The following CAB39L variants were observed in gnomAD, a reference collection of about 807,000 sequenced individuals.
CAB39L encodes the protein calcium binding protein 39 like.
In CAB39L, 23 loss-of-function variants were observed where a neutral mutation model predicts 39.1. The observed-to-expected ratio is 0.59, with a 90% CI of 0.42 to 0.83. The LOEUF is 0.83. Among genes scored for constraint, CAB39L ranks in the 40% least tolerant of loss-of-function variants. The pLI is 0.00. For missense variants in CAB39L, 366 were observed against 391.9 expected (o/e 0.93, Z 0.56); for synonymous variants, 126 against 137.2 (o/e 0.92, Z 0.57).
Position 49,309,481 on chromosome 13 carries a change from G to A in CAB39L, c.*1333C>T, listed in dbSNP as rs796874761. On this transcript the variant is annotated 3_prime_UTR_variant, in exon 11 of 11. Coordinates refer to ENST00000409308, the MANE Select transcript of CAB39L (RefSeq NM_001079670.3). ...GTAATGTATAAGGGAGGGTTCCTGT[G>A]GAAGGCAACGATTCATGATTTAGAA... 27 of 152,330 alleles carry A rather than the reference G, an allele frequency of 1.8e-4. No homozygotes were observed. Among genetic ancestry groups the A allele is most frequent in the African/African-American group, 6.0e-4 (25 of 41,572 alleles). The allele number at this position is 152,330 out of a possible 1,614,324, so 9.4% of individuals were successfully genotyped here.
chr13:49,443,926 G>C, intron 1 of CAB39L, 60 bp downstream of exon 1: 1 of 456,722 alleles, frequency 2.2e-6, no homozygotes, highest in South Asian at 1.5e-5. Context: ...CGCTATGTAT[G>C]TTTTCAACCC....
chr13:49,434,878 G>A (rs747616922), intron 1 of CAB39L, among the ~76,000 whole-genome samples: 26 of 151,706 alleles, frequency 1.7e-4, no homozygotes, highest in Admixed American at 1.3e-4. Flanking sequence ...ACCAAAATGC[G>A]ATATAGATGT....
At chr13:49,359,437 T>A (rs559763986) in intron 6 of CAB39L, among the ~76,000 whole-genome samples, 2 of 152,066 alleles carry the variant, frequency 1.3e-5, no homozygotes, top group African/African-American at 2.4e-5. Context: ...TAGGGAAGCA[T>A]AAGCAATACT....
At chr13:49,410,617 C>G (rs1461495581) in intron 3 of CAB39L, among the ~76,000 whole-genome samples, 1 of 152,114 alleles carries the variant, frequency 6.6e-6, no homozygotes, top group Non-Finnish European at 1.5e-5. Context: ...GACAGAAAAC[C>G]TTGAGTTATA....
chr13:49,442,845 G>GT (rs1443892423), intron 1 of CAB39L, among the ~76,000 whole-genome samples: 1 of 132,322 alleles, frequency 7.6e-6, no homozygotes, highest in East Asian at 2.2e-4. Context: ...TGTTTGTTTT[G>GT]TTTTTTGGTA....
rs1953920034 is a variant in CAB39L at position 49,309,193 on chromosome 13, G to C, written c.*1621C>G. The C allele has an allele frequency of 6.6e-6, 1 of 152,248 alleles. No individual in the cohort carries two copies. Among genetic ancestry groups the C allele is most frequent in the South Asian group, 2.1e-4 (1 of 4,836 alleles). 9.4% of individuals were successfully genotyped at this position (152,248 alleles called of 1,614,324 possible). ...ACTAAAGAGTACGGGTCATCAGGCT[G>C]CCGGCCGGCCTCCTGCAAGGGCACT... On this transcript the variant is annotated 3_prime_UTR_variant, in exon 11 of 11. Coordinates refer to ENST00000409308, the MANE Select transcript of CAB39L (RefSeq NM_001079670.3).
intron 3 of CAB39L, among the ~76,000 whole-genome samples, chr13:49,392,325 G>C (rs1956505871): frequency 6.6e-6 from 1 of 152,056 alleles, no homozygotes; most frequent in Non-Finnish European, 1.5e-5. Flanking sequence ...GCTCTAGGTA[G>C]AACAAGGAAG....
intron 10 of CAB39L, among the ~76,000 whole-genome samples, chr13:49,327,915 T>C (rs1437727685): frequency 2.6e-5 from 4 of 152,220 alleles, no homozygotes; most frequent in Non-Finnish European, 5.9e-5. Context: ...GGTGGATAAC[T>C]TCTTAGAAAT....
intron 10 of CAB39L, among the ~76,000 whole-genome samples, chr13:49,314,815 G>A: frequency 6.6e-6 from 1 of 152,154 alleles, no homozygotes; most frequent in East Asian, 1.9e-4. Flanking sequence ...CAGTACCTGA[G>A]TGCCATTAGG....
chr13:49,344,322 TA>T, intron 7 of CAB39L, 84 bp from the exon 8 acceptor site: 1 of 773,970 alleles, frequency 1.3e-6, no homozygotes, highest in East Asian at 2.6e-5. Context: ...TAAGAACATA[TA>T]AAAGTTGCAG....
chr13:49,348,068 C>G (rs1391805380), intron 7 of CAB39L, among the ~76,000 whole-genome samples: 3 of 152,130 alleles, frequency 2.0e-5, no homozygotes, highest in African/African-American at 7.2e-5. Context: ...GACCATAGGA[C>G]GCTGGCAGGC....
chr13:49,346,104 T>TATATATATATATATGCTAG (rs1955158624), intron 7 of CAB39L, among the ~76,000 whole-genome samples: 1 of 44,950 alleles, frequency 2.2e-5, no homozygotes, highest in Non-Finnish European at 4.7e-5. Flanking sequence ...ATGCTAGATA[T>TATATATATATATATGCTAG]ATATATATAT....
chr13:49,408,013 G>T (rs1160405429), intron 3 of CAB39L, among the ~76,000 whole-genome samples: 1 of 152,136 alleles, frequency 6.6e-6, no homozygotes, highest in East Asian at 1.9e-4. Context: ...ATAATTTGCG[G>T]ACAAAACAGG....
chr13:49,339,834 C>T, intron 8 of CAB39L, 92 bp from the exon 9 acceptor site: 2 of 1,298,614 alleles, frequency 1.5e-6, no homozygotes, highest in Non-Finnish European at 2.0e-6. Flanking sequence ...AGCAAATTCC[C>T]AACTTCTGGC....
At chr13:49,349,477 T>TAC (rs1555255021) in intron 7 of CAB39L, among the ~76,000 whole-genome samples, 125 of 148,666 alleles carry the variant, frequency 8.4e-4, no homozygotes, top group African/African-American at 2.9e-3. Context: ...TATATATATA[T>TAC]ACATTTAAAT....
At chr13:49,439,830 ATTAGTGATGT>A (rs1396452336) in intron 1 of CAB39L, among the ~76,000 whole-genome samples, 3 of 149,350 alleles carry the variant, frequency 2.0e-5, no homozygotes, top group Non-Finnish European at 4.4e-5. Context: ...TTCTCTGATG[ATTAGTGATGT>A]GGAACATTTT....
At chr13:49,355,653 G>A (rs943935249) in intron 6 of CAB39L, among the ~76,000 whole-genome samples, 2 of 151,772 alleles carry the variant, frequency 1.3e-5, no homozygotes, top group African/African-American at 4.8e-5. Context: ...GGCCACAGAT[G>A]GCCAATTGAG....
intron 3 of CAB39L, among the ~76,000 whole-genome samples, chr13:49,401,825 C>A (rs886786111): frequency 6.6e-6 from 1 of 152,100 alleles, no homozygotes; most frequent in African/African-American, 2.4e-5. Flanking sequence ...AACAGATTCA[C>A]CTGCTAATAT....
chr13:49,314,229 G>A (rs918918187), intron 10 of CAB39L, among the ~76,000 whole-genome samples: 2 of 152,066 alleles, frequency 1.3e-5, no homozygotes, highest in Admixed American at 1.3e-4. Flanking sequence ...CTGGAACCTG[G>A]GTTCAAATTC....
Sources: allele counts gnomAD v4.1 joint callset (sites outside exome capture counted in the v4.1 genomes callset), GRCh38; gene constraint gnomAD v4.1.1; transcripts MANE v1.5; gene names NCBI Gene and HGNC (gene_info 2026-07-23, HGNC 2026-07-21).